BACE2: variants seen among roughly 807,000 people sequenced by gnomAD.
BACE2 encodes the protein 56 kDa aspartic-like protease.
A neutral mutation model predicts 46.2 loss-of-function variants in BACE2; 17 were observed. The observed-to-expected ratio is 0.37, with a 90% confidence interval of 0.25 to 0.55. The LOEUF (loss-of-function observed/expected upper bound fraction) is 0.55, where lower values mean the gene tolerates loss of function less well. Ranked by LOEUF, BACE2 falls within the 20% of genes least tolerant of loss-of-function variation. The probability of loss-of-function intolerance (pLI) is 0.82; values close to 1 mark genes in which losing one functional copy is unlikely to be tolerated. For missense variants in BACE2, 595 were observed against 698.1 expected (o/e 0.85, Z 1.66); for synonymous variants, 277 against 295.9 (o/e 0.94, Z 0.66).
At chr21:41,213,425 C>T (rs954810982) in intron 1 of BACE2, among the ~76,000 whole-genome samples, 20 of 151,184 alleles carry the variant, frequency 1.3e-4, no homozygotes, top group African/African-American at 4.8e-4. Context: ...GTGGTTTCTA[C>T]TTGCATCAAA....
intron 2 of BACE2, among the ~76,000 whole-genome samples, chr21:41,237,000 T>C (rs950999541): frequency 2.0e-5 from 3 of 152,236 alleles, no homozygotes; most frequent in African/African-American, 7.2e-5. Context: ...TTAGCGATTA[T>C]GTTTTTGGGG....
At chr21:41,253,350 G>A (rs11911573) in intron 7 of BACE2, among the ~76,000 whole-genome samples, 5,885 of 151,162 alleles carry the variant, frequency 0.039, 400 homozygotes, top group African/African-American at 0.13. Context: ...GCTAAGGCAG[G>A]AGAGTCGCTT....
At chr21:41,260,317 G>GT (rs1288401315) in intron 8 of BACE2, among the ~76,000 whole-genome samples, 1 of 151,090 alleles carries the variant, frequency 6.6e-6, no homozygotes, top group Non-Finnish European at 1.5e-5. Flanking sequence ...AAAATTTTTG[G>GT]TATTTTGTGT....
At chr21:41,243,289 C>G in intron 4 of BACE2, 87 bp from the exon 5 acceptor site, 1 of 1,127,668 alleles carries the variant, frequency 8.9e-7, no homozygotes, top group South Asian at 2.3e-5. Flanking sequence ...AGTGAAGTTT[C>G]TCTTTACAAG....
In BACE2 at chr21:41,275,651, A is replaced by G. The variant is rs368067698; in HGVS notation, c.*27A>G. ...TAGCCAGGCCTGACCTCAAGCAACC[A>G]TGAACTCAGCTATTAAGAAAATCAC... On this transcript the variant is annotated 3_prime_UTR_variant, in exon 9 of 9. Transcript: ENST00000330333. 736 of 1,608,942 alleles carry G rather than the reference A, an allele frequency of 4.6e-4. 7 individuals carry two copies. The South Asian group carries it at 7.4e-3, about 16-fold the overall frequency.
chr21:41,225,978 C>T (rs749129309), intron 1 of BACE2, among the ~76,000 whole-genome samples: 5 of 152,232 alleles, frequency 3.3e-5, no homozygotes, highest in South Asian at 2.1e-4. Context: ...CAAGCACCAA[C>T]GGCCTAAAAA....
intron 1 of BACE2, among the ~76,000 whole-genome samples, chr21:41,190,847 C>T (rs1985546136): frequency 6.6e-6 from 1 of 152,126 alleles, no homozygotes; most frequent in South Asian, 2.1e-4. Flanking sequence ...GGTCAATCAC[C>T]CCGGCCAACT....
chr21:41,220,359 T>G (rs1228575720), intron 1 of BACE2, among the ~76,000 whole-genome samples: 2 of 152,140 alleles, frequency 1.3e-5, no homozygotes, highest in African/African-American at 4.8e-5. Flanking sequence ...CTTCAGCTCC[T>G]CCCCACTCCC....
At chr21:41,178,603 G>C (rs970231621) in intron 1 of BACE2, 1 of 155,408 alleles carries the variant, frequency 6.4e-6, no homozygotes, top group Non-Finnish European at 1.4e-5. Flanking sequence ...CAAGCTTGGT[G>C]GTGCATGCCT....
intron 8 of BACE2, among the ~76,000 whole-genome samples, chr21:41,264,759 A>G (rs1988026335): frequency 1.3e-5 from 2 of 152,140 alleles, no homozygotes; most frequent in South Asian, 2.1e-4. Flanking sequence ...CCAATTCAAC[A>G]TGAGATTTGG....
chr21:41,174,949 C>T (rs2123486018), intron 1 of BACE2, among the ~76,000 whole-genome samples: 1 of 152,240 alleles, frequency 6.6e-6, no homozygotes, highest in South Asian at 2.1e-4. Context: ...CTGTAATTTC[C>T]CTGGGTATAA....
intron 1 of BACE2, among the ~76,000 whole-genome samples, chr21:41,201,982 G>A (rs1985981196): frequency 6.6e-6 from 1 of 152,232 alleles, no homozygotes; most frequent in Admixed American, 6.5e-5. Context: ...TGGATGAACA[G>A]AGCATACTGG....
intron 1 of BACE2, among the ~76,000 whole-genome samples, chr21:41,220,204 C>T (rs763173977): frequency 6.6e-6 from 1 of 151,664 alleles, no homozygotes; most frequent in Non-Finnish European, 1.5e-5. Flanking sequence ...AGGTACAGAA[C>T]TTCCGTGCCC....
chr21:41,247,056 A>C (rs189385249), intron 6 of BACE2, among the ~76,000 whole-genome samples: 8 of 152,154 alleles, frequency 5.3e-5, no homozygotes, highest in Admixed American at 2.0e-4. Context: ...TGTTTCCTGC[A>C]CAAAGCCTGT....
chr21:41,269,379 C>T lies in BACE2; in HGVS notation c.1304-5992C>T, dbSNP rs533652824. 6.6e-5 allele frequency among the ~76,000 whole-genome samples: 10 copies of T among 152,256 alleles called. 1 individual carries two copies. Among genetic ancestry groups the T allele is most frequent in the African/African-American group, 2.4e-4 (10 of 41,530 alleles). On this transcript the variant is annotated intron_variant, in intron 8 of 8. Coordinates refer to ENST00000330333, the MANE Select transcript of BACE2 (RefSeq NM_012105.5). ...TGGGATATAATTGGTGTAAAATAAA[C>T]AGTTCATGTTGAAAGGATACAGTTT...
chr21:41,264,628 A>G (rs1178168388), intron 8 of BACE2, among the ~76,000 whole-genome samples: 1 of 152,074 alleles, frequency 6.6e-6, no homozygotes, highest in Non-Finnish European at 1.5e-5. Flanking sequence ...ACACTTTCAG[A>G]CAACCATATC....
At position 41,168,714 on chromosome 21, in the gene BACE2, G is replaced by T. The variant is rs866908047; in HGVS notation, c.312+139G>T. On this transcript the variant is annotated intron_variant, in intron 1 of 8. Coordinates refer to ENST00000330333, the MANE Select transcript of BACE2 (RefSeq NM_012105.5). ...ACAGAAGAGCGGGGAACGCAGAGGGGCTCGGGTGGGCCGGGGAGCGGGGGC... is the reference window on the plus strand; with the variant it reads ...ACAGAAGAGCGGGGAACGCAGAGGGTCTCGGGTGGGCCGGGGAGCGGGGGC... 4 of 607,216 alleles carry T rather than the reference G, an allele frequency of 6.6e-6. No individual in the cohort carries two copies. The African/African-American group carries it at 7.7e-5, about 12-fold the overall frequency. 37.6% of individuals were successfully genotyped at this position (607,216 alleles called of 1,614,324 possible).
chr21:41,207,455 C>T (rs1293844818), intron 1 of BACE2, among the ~76,000 whole-genome samples: 1 of 152,190 alleles, frequency 6.6e-6, no homozygotes, highest in Non-Finnish European at 1.5e-5. Context: ...TCACACATGA[C>T]TGTTTAAATA....
intron 1 of BACE2, among the ~76,000 whole-genome samples, chr21:41,170,844 C>T (rs1387133780): frequency 2.6e-5 from 4 of 152,228 alleles, no homozygotes; most frequent in African/African-American, 7.2e-5. Flanking sequence ...AAGCTCAGTA[C>T]GTGACAAGCA....
Sources: allele counts gnomAD v4.1 joint callset (sites outside exome capture counted in the v4.1 genomes callset), GRCh38; gene constraint gnomAD v4.1.1; transcripts MANE v1.5; gene names NCBI Gene and HGNC (gene_info 2026-07-23, HGNC 2026-07-21).